Variants in AKAP9 observed in about 807,000 individuals in gnomAD.
AKAP9 encodes the protein A-kinase anchor protein 9.
In AKAP9, 311 loss-of-function variants were observed where a neutral mutation model predicts 488.5. That is an observed-to-expected ratio of 0.64 (90% CI 0.58 to 0.70). AKAP9 has a LOEUF of 0.70. Ranked by LOEUF, AKAP9 falls within the 30% of genes least tolerant of loss-of-function variation. The pLI, the probability that AKAP9 is intolerant of heterozygous loss-of-function variation, is 0.00. For synonymous variants in AKAP9, 1,462 were observed against 1,483.5 expected, an observed-to-expected ratio of 0.99 and a Z score of 0.33; for missense variants, 4,215 against 4,374.5, an observed-to-expected ratio of 0.96 and a Z score of 1.03.
In AKAP9 at chr7:92,083,349, C is replaced by G. The variant is rs988448987; in HGVS notation, c.8340C>G (p.Ser2780=). 1.9e-6 allele frequency: 3 copies of G among 1,613,872 alleles called. No individual in the cohort carries two copies. Among genetic ancestry groups the G allele is most frequent in the Non-Finnish European group, 2.5e-6 (3 of 1,180,012 alleles). Residue 2780 remains serine (S), a synonymous_variant, in exon 33 of 50, where the codon TCC becomes TCG. Coordinates refer to ENST00000356239, the MANE Select transcript of AKAP9 (RefSeq NM_005751.5). ...LPIKLSKSIA[S]QTDGTLKISS... Reference sequence around the variant, plus strand: ...TAAAACTGAGTAAGAGCATTGCATCCCAGACAGATGGGACTCTGAAGATCA... The same window carrying G: ...TAAAACTGAGTAAGAGCATTGCATCGCAGACAGATGGGACTCTGAAGATCA...
intron 14 of AKAP9, among the ~76,000 whole-genome samples, chr7:92,029,468 T>A (rs1385204174): frequency 6.6e-6 from 1 of 152,154 alleles, no homozygotes; most frequent in African/African-American, 2.4e-5. Context: ...CATTAATATA[T>A]CTTAGATAAC....
At chr7:92,013,908 A>G (rs1231273946) in intron 9 of AKAP9, among the ~76,000 whole-genome samples, 1 of 151,770 alleles carries the variant, frequency 6.6e-6, no homozygotes, top group South Asian at 2.1e-4. Context: ...AACAGAAGAC[A>G]TTGGAGTACA....
intron 1 of AKAP9, among the ~76,000 whole-genome samples, chr7:91,973,372 C>T (rs947330781): frequency 6.6e-6 from 1 of 152,066 alleles, no homozygotes; most frequent in African/African-American, 2.4e-5. Context: ...AAGACCCTGT[C>T]TCAAAAAATA....
chr7:91,998,394 G>C (rs1375448537), intron 7 of AKAP9, among the ~76,000 whole-genome samples: 1 of 117,252 alleles, frequency 8.5e-6, no homozygotes, highest in Non-Finnish European at 1.7e-5. Context: ...ATTTCCAAAA[G>C]ATAGTGTATT....
At chr7:92,022,784 G>T in intron 13 of AKAP9, 30 bp from the exon 14 acceptor site, 1 of 1,387,218 alleles carries the variant, frequency 7.2e-7, no homozygotes, top group Non-Finnish European at 1.0e-6. Context: ...ATATTGAAAT[G>T]TGCATTTTTT....
intron 3 of AKAP9, among the ~76,000 whole-genome samples, chr7:91,988,628 A>G (rs957397551): frequency 6.6e-6 from 1 of 152,142 alleles, no homozygotes; most frequent in Non-Finnish European, 1.5e-5. Flanking sequence ...AGATCACATA[A>G]TTATCTTGTA....
intron 38 of AKAP9, among the ~76,000 whole-genome samples, chr7:92,090,851 T>C (rs528836795): frequency 6.6e-6 from 1 of 152,318 alleles, no homozygotes; most frequent in South Asian, 2.1e-4. Context: ...TTAGATAAGG[T>C]CAAATGATTT....
chr7:92,088,657 G>A (rs148433919), intron 37 of AKAP9, among the ~76,000 whole-genome samples: 92 of 152,264 alleles, frequency 6.0e-4, no homozygotes, highest in African/African-American at 2.0e-3. Context: ...GAGTTTCTTC[G>A]TGGTGAGAAA....
At chr7:92,059,044 C>A (rs1809292155) in intron 22 of AKAP9, among the ~76,000 whole-genome samples, 1 of 151,888 alleles carries the variant, frequency 6.6e-6, no homozygotes, top group Non-Finnish European at 1.5e-5. Context: ...TTCAGTATAA[C>A]TAAAAGTTAT....
Sources: gnomAD v4.1 joint callset for allele counts (sites outside exome capture counted in the v4.1 genomes callset) on GRCh38, gnomAD v4.1.1 for gene constraint, MANE v1.5 for transcripts, NCBI Gene and HGNC (gene_info 2026-07-23, HGNC 2026-07-21) for gene names.